The following SGCZ variants were observed in gnomAD, a reference collection of about 807,000 sequenced individuals.
SGCZ encodes the protein zeta-sarcoglycan.
SGCZ carries 40 observed loss-of-function variants against 41.3 expected under a neutral mutation model. That is an observed-to-expected ratio of 0.97 (90% CI 0.75 to 1.26). SGCZ has a LOEUF of 1.26. Ranked by LOEUF, SGCZ falls within the 50% of genes most tolerant of loss-of-function variation. The pLI is 0.00. For missense variants in SGCZ, 552 were observed against 369.8 expected, an observed-to-expected ratio of 1.49 and a Z score of -4.04; for synonymous variants, 206 against 137.5, an observed-to-expected ratio of 1.50 and a Z score of -3.49.
At chr8:14,364,031 C>A (rs1803616783) in intron 2 of SGCZ, among the ~76,000 whole-genome samples, 1 of 152,104 alleles carries the variant, frequency 6.6e-6, no homozygotes, top group Admixed American at 6.6e-5. Flanking sequence ...TCCCCTTTTA[C>A]CTATAATCTC....
chr8:14,824,260 A>G (rs1043949373), intron 1 of SGCZ, among the ~76,000 whole-genome samples: 1 of 152,116 alleles, frequency 6.6e-6, no homozygotes, highest in Non-Finnish European at 1.5e-5. Flanking sequence ...TGTTCTCACC[A>G]CAAATAAATG....
chr8:14,145,471 T>C (rs1803492589), intron 5 of SGCZ, among the ~76,000 whole-genome samples: 1 of 152,154 alleles, frequency 6.6e-6, no homozygotes, highest in Admixed American at 6.6e-5. Flanking sequence ...GAAGAATGGC[T>C]ACAATAATCC....
At position 14,113,045 on chromosome 8, in the gene SGCZ, A is replaced by C. The variant is rs750294130; in HGVS notation, c.548-4810T>G. Among the ~76,000 whole-genome samples, 91 of 152,042 alleles carry C rather than the reference A, an allele frequency of 6.0e-4. 1 individual carries two copies. Among genetic ancestry groups the C allele is most frequent in the Non-Finnish European group, 1.5e-4 (10 of 67,990 alleles). On this transcript the variant is annotated intron_variant, in intron 5 of 7. Transcript: ENST00000382080. ...TATTTCAACATATACTACATCTCCT[A>C]TTTGTGTTATTTTAATAATCTAAGT... is the stretch of plus-strand genomic sequence containing the variant.
At chr8:14,289,982 G>C (rs6530752) in intron 3 of SGCZ, among the ~76,000 whole-genome samples, 114,120 of 151,502 alleles carry the variant, frequency 0.75, 43,422 homozygotes, top group Non-Finnish European at 0.8. Flanking sequence ...CCACCAGACA[G>C]TTTTAAACAG....
chr8:15,200,323 T>C (rs1459070983), intron 1 of SGCZ, among the ~76,000 whole-genome samples: 1 of 152,214 alleles, frequency 6.6e-6, no homozygotes, highest in African/African-American at 2.4e-5. Flanking sequence ...AACAACCTCA[T>C]TAGAATTCTA....
chr8:15,122,457 T>A (rs1428374194), intron 1 of SGCZ, among the ~76,000 whole-genome samples: 1 of 152,146 alleles, frequency 6.6e-6, no homozygotes, highest in African/African-American at 2.4e-5. Context: ...TGAGCTGAAA[T>A]GTTTTGCTTT....
chr8:14,657,567 T>C (rs1431584944), intron 1 of SGCZ, among the ~76,000 whole-genome samples: 1 of 152,154 alleles, frequency 6.6e-6, no homozygotes, highest in Non-Finnish European at 1.5e-5. Context: ...ACATTTATTC[T>C]TTTTCTTGGG....
intron 1 of SGCZ, among the ~76,000 whole-genome samples, chr8:14,844,903 T>A (rs1341550008): frequency 6.6e-6 from 1 of 152,126 alleles, no homozygotes; most frequent in Non-Finnish European, 1.5e-5. Context: ...CTTACAGCTG[T>A]GACAGAGTTT....
chr8:14,996,891 A>G (rs1585452182), intron 1 of SGCZ, among the ~76,000 whole-genome samples: 1 of 152,206 alleles, frequency 6.6e-6, no homozygotes, highest in African/African-American at 2.4e-5. Context: ...TGGCTTCTAC[A>G]ATTCAGTCAG....
At chr8:14,993,562 T>C (rs547609202) in intron 1 of SGCZ, among the ~76,000 whole-genome samples, 2 of 152,318 alleles carry the variant, frequency 1.3e-5, no homozygotes, top group Non-Finnish European at 2.9e-5. Context: ...GAAAGAGGGA[T>C]ACATACTCAA....
chr8:14,428,058 G>A (rs1274010765), intron 2 of SGCZ, among the ~76,000 whole-genome samples: 1 of 151,314 alleles, frequency 6.6e-6, no homozygotes, highest in Non-Finnish European at 1.5e-5. Flanking sequence ...ATCTGCAGGG[G>A]TCCTGGAATC....
rs1801616301 is a variant in SGCZ at position 14,089,295 on chromosome 8, T to C, written c.*1148A>G. ...ATATGAATGTAGTGAAGTAAACACA[T>C]TTTCAATATTTATTAGCATTTGTCA... is the stretch of plus-strand genomic sequence containing the variant. On this transcript the variant is annotated 3_prime_UTR_variant, in exon 8 of 8. Coordinates refer to ENST00000382080, the MANE Select transcript of SGCZ (RefSeq NM_139167.4). 6.6e-6 allele frequency among the ~76,000 whole-genome samples: 1 copy of C among 152,014 alleles called. No individual in the cohort carries two copies. The highest frequency in any genetic ancestry group is 1.5e-5 in the Non-Finnish European group (1 of 67,944).
chr8:15,194,223 ACACAC>A (rs1800640565), intron 1 of SGCZ, among the ~76,000 whole-genome samples: 1 of 147,726 alleles, frequency 6.8e-6, no homozygotes, highest in Non-Finnish European at 1.5e-5. Flanking sequence ...ACACACACAC[ACACAC>A]CACAACCCTC....
intron 1 of SGCZ, among the ~76,000 whole-genome samples, chr8:14,784,606 T>C (rs546977429): frequency 1.8e-4 from 27 of 152,042 alleles, no homozygotes; most frequent in Non-Finnish European, 1.2e-4. Flanking sequence ...ATAAGATGCA[T>C]GTAGATAATT....
intron 3 of SGCZ, among the ~76,000 whole-genome samples, chr8:14,252,108 C>A (rs567984338): frequency 6.6e-6 from 1 of 152,128 alleles, no homozygotes. Context: ...ATGGAATTCA[C>A]ATTAGATATG....
chr8:14,402,246 C>G (rs369508137), intron 2 of SGCZ, among the ~76,000 whole-genome samples: 1 of 151,432 alleles, frequency 6.6e-6, no homozygotes, highest in African/African-American at 2.4e-5. Context: ...GTTGCCTGTT[C>G]ACTCTGATGG....
intron 1 of SGCZ, among the ~76,000 whole-genome samples, chr8:14,634,122 G>A (rs1313044331): frequency 2.0e-5 from 3 of 151,668 alleles, no homozygotes; most frequent in Non-Finnish European, 2.9e-5. Flanking sequence ...ATTCTACTGT[G>A]ATATTCTATT....
At chr8:15,203,686 G>A (rs1387235520) in intron 1 of SGCZ, among the ~76,000 whole-genome samples, 1 of 152,116 alleles carries the variant, frequency 6.6e-6, no homozygotes, top group African/African-American at 2.4e-5. Flanking sequence ...ATAAATGAAT[G>A]GCCAAGACCT....
chr8:15,216,990 G>C (rs1434818256), intron 1 of SGCZ, among the ~76,000 whole-genome samples: 1 of 152,082 alleles, frequency 6.6e-6, no homozygotes, highest in Admixed American at 6.5e-5. Flanking sequence ...AATCTTTCAG[G>C]GGAATGGATA....
Sources: gnomAD v4.1 joint callset for allele counts (sites outside exome capture counted in the v4.1 genomes callset) on GRCh38, gnomAD v4.1.1 for gene constraint, MANE v1.5 for transcripts, NCBI Gene and HGNC (gene_info 2026-07-23, HGNC 2026-07-21) for gene names.